The following LSAMP variants were observed in gnomAD, a reference collection of about 807,000 sequenced individuals.
LSAMP encodes the protein limbic system-associated membrane protein.
Under a neutral mutation model 38.6 loss-of-function variants are expected in LSAMP, and 7 were observed. That is an observed-to-expected ratio of 0.18 (90% CI 0.10 to 0.34). The LOEUF is 0.34. LSAMP is among the 10% of genes least tolerant of loss of function. LSAMP has a pLI of 1.00. For synonymous variants in LSAMP, 154 were observed against 166.8 expected, an observed-to-expected ratio of 0.92 and a Z score of 0.59; for missense variants, 313 against 420.0, an observed-to-expected ratio of 0.75 and a Z score of 2.23.
intron 3 of LSAMP, among the ~76,000 whole-genome samples, chr3:115,871,625 GAC>G (rs1559860828): frequency 4.0e-5 from 6 of 150,486 alleles, no homozygotes; most frequent in African/African-American, 1.2e-4. Flanking sequence ...GTGTAAGAGA[GAC>G]AGACAGAGAG....
At chr3:115,900,359 A>G (rs1251651773) in intron 3 of LSAMP, among the ~76,000 whole-genome samples, 1 of 152,046 alleles carries the variant, frequency 6.6e-6, no homozygotes, top group Non-Finnish European at 1.5e-5. Context: ...TACTAAAAAT[A>G]CAAATATTAG....
chr3:116,091,859 G>T (rs1708131815), intron 1 of LSAMP, among the ~76,000 whole-genome samples: 1 of 152,154 alleles, frequency 6.6e-6, no homozygotes, highest in South Asian at 2.1e-4. Flanking sequence ...CTTCCGCTTT[G>T]GGTGGGTTTT....
chr3:116,172,015 T>G (rs1044888683), intron 1 of LSAMP, among the ~76,000 whole-genome samples: 2 of 152,032 alleles, frequency 1.3e-5, no homozygotes, highest in Non-Finnish European at 2.9e-5. Flanking sequence ...TGCACAATTT[T>G]ATTGGTTTTG....
At chr3:116,414,920 T>C (rs1478025994) in intron 1 of LSAMP, among the ~76,000 whole-genome samples, 1 of 152,048 alleles carries the variant, frequency 6.6e-6, no homozygotes, top group African/African-American at 2.4e-5. Context: ...CTCCCAAGCC[T>C]GAGCAAGCAA....
chr3:115,814,343 A>G (rs908197102), intron 6 of LSAMP: 2 of 152,218 alleles, frequency 1.3e-5, no homozygotes, highest in African/African-American at 4.8e-5. Context: ...TCCCATAACA[A>G]TGAAAGAGAA....
chr3:115,839,252 TC>T (rs1222780854), intron 6 of LSAMP, among the ~76,000 whole-genome samples: 141 of 105,694 alleles, frequency 1.3e-3, no homozygotes, highest in African/African-American at 4.9e-3. Flanking sequence ...CTTCCTTCCT[TC>T]CTTCTTTCTT....
In LSAMP at chr3:116,196,086, G is replaced by T. The variant is rs537613805; in HGVS notation, c.156-109530C>A. 2.6e-5 allele frequency among the ~76,000 whole-genome samples: 4 copies of T among 152,212 alleles called. No individual in the cohort carries two copies. The East Asian group carries it at 7.7e-4, about 29-fold the overall frequency. Reference sequence around the variant, plus strand: ...TTTTGCATAGAGACTGAGCCATAAGGGTCAGTGCCCTTCACCTCATCTTCT... The same window carrying T: ...TTTTGCATAGAGACTGAGCCATAAGTGTCAGTGCCCTTCACCTCATCTTCT... On this transcript the variant is annotated intron_variant, in intron 1 of 6. Coordinates refer to ENST00000490035, the MANE Select transcript of LSAMP (RefSeq NM_002338.5).
intron 3 of LSAMP, among the ~76,000 whole-genome samples, chr3:115,936,955 TTAAA>T (rs894228059): frequency 2.6e-5 from 4 of 152,162 alleles, no homozygotes; most frequent in Non-Finnish European, 5.9e-5. Context: ...ATAAGCTATA[TTAAA>T]TATTTTAATT....
At chr3:116,306,004 T>C (rs2047480788) in intron 1 of LSAMP, among the ~76,000 whole-genome samples, 1 of 151,816 alleles carries the variant, frequency 6.6e-6, no homozygotes, top group Non-Finnish European at 1.5e-5. Context: ...GTGTGCCCAG[T>C]ACATTTCTAA....
At chr3:116,127,231 G>C (rs9830788) in intron 1 of LSAMP, among the ~76,000 whole-genome samples, 15,303 of 152,154 alleles carry the variant, frequency 0.1, 2,478 homozygotes, top group African/African-American at 0.34. Context: ...TATCAGAAAA[G>C]TTTGGTTTAT....
intron 1 of LSAMP, among the ~76,000 whole-genome samples, chr3:116,332,262 TA>T (rs1189071305): frequency 6.6e-6 from 1 of 152,202 alleles, no homozygotes. Context: ...CACATAATTT[TA>T]ATAACTAATG....
intron 1 of LSAMP, among the ~76,000 whole-genome samples, chr3:116,401,843 C>T (rs930557432): frequency 6.6e-5 from 10 of 152,222 alleles, no homozygotes; most frequent in Admixed American, 5.9e-4. Flanking sequence ...TTGCTTAAGT[C>T]AGTTCACTGT....
intron 1 of LSAMP, among the ~76,000 whole-genome samples, chr3:116,187,241 T>C (rs984665551): frequency 6.6e-6 from 1 of 152,170 alleles, no homozygotes; most frequent in Non-Finnish European, 1.5e-5. Flanking sequence ...AAAAGTGGAC[T>C]GGCTCAAGGG....
intron 1 of LSAMP, among the ~76,000 whole-genome samples, chr3:116,255,259 T>C (rs2046734502): frequency 6.6e-6 from 1 of 152,096 alleles, no homozygotes; most frequent in Non-Finnish European, 1.5e-5. Flanking sequence ...AAAGAAGAAA[T>C]TCCAAAAGGG....
At chr3:116,013,233 G>A (rs1940383170) in intron 3 of LSAMP, among the ~76,000 whole-genome samples, 1 of 152,198 alleles carries the variant, frequency 6.6e-6, no homozygotes, top group Non-Finnish European at 1.5e-5. Flanking sequence ...CAGCACGTTA[G>A]GTTGTGCAGA....
At chr3:115,880,580 C>A (rs1936295750) in intron 3 of LSAMP, among the ~76,000 whole-genome samples, 2 of 151,914 alleles carry the variant, frequency 1.3e-5, no homozygotes, top group Admixed American at 1.3e-4. Flanking sequence ...GTTTGTTTAC[C>A]AAAACTTCTA....
At chr3:115,884,208 A>G (rs1462560771) in intron 3 of LSAMP, among the ~76,000 whole-genome samples, 2 of 152,062 alleles carry the variant, frequency 1.3e-5, no homozygotes, top group Non-Finnish European at 2.9e-5. Flanking sequence ...GGGTGAATGG[A>G]ACTAATCTTC....
chr3:116,174,790 AC>A (rs1317734425), intron 1 of LSAMP, among the ~76,000 whole-genome samples: 1 of 152,070 alleles, frequency 6.6e-6, no homozygotes, highest in Non-Finnish European at 1.5e-5. Context: ...GCCGTCTACC[AC>A]ATCATATACA....
intron 1 of LSAMP, among the ~76,000 whole-genome samples, chr3:116,117,091 A>C (rs1708769882): frequency 1.3e-5 from 2 of 152,266 alleles, no homozygotes; most frequent in Non-Finnish European, 2.9e-5. Flanking sequence ...TTTTTTATGC[A>C]GCAAGGGATA....
Sources: gnomAD v4.1 joint callset for allele counts (sites outside exome capture counted in the v4.1 genomes callset) on GRCh38, gnomAD v4.1.1 for gene constraint, MANE v1.5 for transcripts, NCBI Gene and HGNC (gene_info 2026-07-23, HGNC 2026-07-21) for gene names.